Variants in PPFIA2 observed in about 807,000 individuals in gnomAD.
The protein encoded by PPFIA2 is PPFI scaffold protein A2, also known as liprin-alpha-2.
PPFIA2 carries 46 observed loss-of-function variants against 175.5 expected under a neutral mutation model. The observed-to-expected ratio is 0.26, with a 90% confidence interval of 0.21 to 0.34. The LOEUF is 0.34. Among genes scored for constraint, PPFIA2 ranks in the 10% least tolerant of loss-of-function variants. The pLI, the probability that PPFIA2 is intolerant of heterozygous loss-of-function variation, is 1.00. For synonymous variants in PPFIA2, 568 were observed against 511.4 expected (o/e 1.11, Z -1.49); for missense variants, 1,179 against 1,506.1 (o/e 0.78, Z 3.60).
At chr12:81,532,451 T>C (rs963286026) in intron 4 of PPFIA2, among the ~76,000 whole-genome samples, 1 of 151,800 alleles carries the variant, frequency 6.6e-6, no homozygotes, top group African/African-American at 2.4e-5. Flanking sequence ...TCCTTGGATT[T>C]TGTGAGGCCC....
chr12:81,686,426 G>C (rs578083991), intron 3 of PPFIA2, among the ~76,000 whole-genome samples: 1 of 152,218 alleles, frequency 6.6e-6, no homozygotes, highest in South Asian at 2.1e-4. Flanking sequence ...GCTTTCTGAA[G>C]AAAGTGCCAG....
At chr12:81,703,196 G>A (rs1452612870) in intron 3 of PPFIA2, among the ~76,000 whole-genome samples, 1 of 151,972 alleles carries the variant, frequency 6.6e-6, no homozygotes, top group Non-Finnish European at 1.5e-5. Flanking sequence ...TTGTACTTTT[G>A]CAAATTCTCC....
At chr12:81,564,458 C>G (rs1813307465) in intron 4 of PPFIA2, among the ~76,000 whole-genome samples, 1 of 152,108 alleles carries the variant, frequency 6.6e-6, no homozygotes, top group South Asian at 2.1e-4. Flanking sequence ...AATAGGTTGT[C>G]TGTACAGTGA....
chr12:81,687,601 C>A (rs2074608804), intron 3 of PPFIA2: 1 of 151,972 alleles, frequency 6.6e-6, no homozygotes. Context: ...AAATGTAAGA[C>A]ACATGCAAAA....
At chr12:81,725,108 T>A (rs986770126) in intron 3 of PPFIA2, among the ~76,000 whole-genome samples, 15 of 151,076 alleles carry the variant, frequency 9.9e-5, no homozygotes, top group African/African-American at 3.6e-4. Context: ...CATACACATG[T>A]TGCAAATTGC....
intron 5 of PPFIA2, among the ~76,000 whole-genome samples, chr12:81,449,905 T>G (rs1025955471): frequency 2.0e-5 from 3 of 151,638 alleles, no homozygotes; most frequent in Admixed American, 2.0e-4. Flanking sequence ...TTTTTTGTCC[T>G]TGCAATAGTT....
chr12:81,378,690 G>T (rs2141833550), intron 9 of PPFIA2, among the ~76,000 whole-genome samples: 1 of 152,244 alleles, frequency 6.6e-6, no homozygotes, highest in South Asian at 2.1e-4. Context: ...AAAGTCTAAA[G>T]CTAACCTGTG....
At chr12:81,440,238 C>A (rs17008573) in intron 6 of PPFIA2, among the ~76,000 whole-genome samples, 192 bp from the exon 7 acceptor site, 4,143 of 152,200 alleles carry the variant, frequency 0.027, 185 homozygotes, top group African/African-American at 0.095. Context: ...GTCACTGTAT[C>A]AAGGGATTTC....
At chr12:81,568,562 T>G (rs1025656617) in intron 4 of PPFIA2, among the ~76,000 whole-genome samples, 3 of 152,200 alleles carry the variant, frequency 2.0e-5, no homozygotes, top group African/African-American at 7.2e-5. Flanking sequence ...CTTCAGGCAC[T>G]CAAATCTGCA....
chr12:81,398,102 T>C (rs1170025138), intron 8 of PPFIA2, among the ~76,000 whole-genome samples: 1 of 152,060 alleles, frequency 6.6e-6, no homozygotes. Flanking sequence ...GCTTGAATCA[T>C]CCTGAAACCA....
chr12:81,709,844 A>C (rs1211328088), intron 3 of PPFIA2, among the ~76,000 whole-genome samples: 1 of 152,028 alleles, frequency 6.6e-6, no homozygotes, highest in Non-Finnish European at 1.5e-5. Context: ...CTCAGGATAA[A>C]TCCCTGTAAA....
chr12:81,723,146 T>C (rs1382419934), intron 3 of PPFIA2, among the ~76,000 whole-genome samples: 4 of 151,232 alleles, frequency 2.6e-5, no homozygotes, highest in Middle Eastern at 6.8e-3. Flanking sequence ...TCTGTGTTTT[T>C]ACCTTGCTGC....
At chr12:81,489,808 G>A (rs1226703933) in intron 4 of PPFIA2, among the ~76,000 whole-genome samples, 2 of 151,784 alleles carry the variant, frequency 1.3e-5, no homozygotes, top group African/African-American at 4.8e-5. Context: ...TTTATGAGTG[G>A]AGGTTGACAA....
intron 3 of PPFIA2, chr12:81,687,670 G>A (rs754426638): frequency 6.6e-6 from 1 of 151,974 alleles, no homozygotes; most frequent in African/African-American, 2.4e-5. Context: ...CCTACTATCT[G>A]TGTGACCTTA....
intron 4 of PPFIA2, among the ~76,000 whole-genome samples, chr12:81,613,579 A>G (rs1378882906): frequency 6.6e-6 from 1 of 152,180 alleles, no homozygotes; most frequent in Non-Finnish European, 1.5e-5. Flanking sequence ...TGCAGTAATC[A>G]TTAAATCAAG....
At chr12:81,691,270 T>C (rs761527926) in intron 3 of PPFIA2, among the ~76,000 whole-genome samples, 34 of 152,170 alleles carry the variant, frequency 2.2e-4, no homozygotes, top group Non-Finnish European at 3.2e-4. Flanking sequence ...TTTTCATCTA[T>C]ATATTGCCTG....
At chr12:81,736,633 T>G (rs1466279573) in intron 3 of PPFIA2, among the ~76,000 whole-genome samples, 1 of 151,876 alleles carries the variant, frequency 6.6e-6, no homozygotes, top group Admixed American at 6.6e-5. Context: ...TCTAGAATAC[T>G]CAAAGGAATA....
intron 3 of PPFIA2, among the ~76,000 whole-genome samples, chr12:81,723,290 C>A (rs1191256152): frequency 1.3e-5 from 2 of 150,978 alleles, no homozygotes; most frequent in Non-Finnish European, 3.0e-5. Context: ...CACAGTTTGC[C>A]AGTCTACAGA....
At chr12:81,654,708 T>C (rs2067516153) in intron 4 of PPFIA2, among the ~76,000 whole-genome samples, 3 of 152,108 alleles carry the variant, frequency 2.0e-5, no homozygotes, top group Non-Finnish European at 4.4e-5. Context: ...CATTAAACAC[T>C]AAGCAGAGGA....
Sources: allele counts gnomAD v4.1 joint callset (sites outside exome capture counted in the v4.1 genomes callset), GRCh38; gene constraint gnomAD v4.1.1; transcripts MANE v1.5; gene names NCBI Gene and HGNC (gene_info 2026-07-23, HGNC 2026-07-21).